NUDCD3: variants seen among roughly 807,000 people sequenced by gnomAD.
The protein encoded by NUDCD3 is nudC domain-containing protein 3.
Under a neutral mutation model 39.7 loss-of-function variants are expected in NUDCD3, and 13 were observed. The observed-to-expected ratio is 0.33, with a 90% confidence interval of 0.21 to 0.52. The LOEUF is 0.52. Ranked by LOEUF, NUDCD3 falls within the 20% of genes least tolerant of loss-of-function variation. NUDCD3 has a pLI of 0.96. For synonymous variants in NUDCD3, 175 were observed against 172.4 expected (o/e 1.02, Z -0.12); for missense variants, 453 against 458.1 (o/e 0.99, Z 0.10).
chr7:44,426,610 A>C (rs1467804402), intron 3 of NUDCD3, among the ~76,000 whole-genome samples: 2 of 151,832 alleles, frequency 1.3e-5, no homozygotes, highest in African/African-American at 4.8e-5. Flanking sequence ...TCCTGGCTAA[A>C]ACAGTGAAAC....
At chr7:44,420,481 A>T (rs1283416004) in intron 3 of NUDCD3, among the ~76,000 whole-genome samples, 2 of 152,180 alleles carry the variant, frequency 1.3e-5, no homozygotes, top group African/African-American at 4.8e-5. Flanking sequence ...CAACATGCAA[A>T]TTCAGGAAAT....
intron 3 of NUDCD3, among the ~76,000 whole-genome samples, chr7:44,412,376 T>C (rs1365839522): frequency 6.6e-6 from 1 of 152,240 alleles, no homozygotes; most frequent in Non-Finnish European, 1.5e-5. Context: ...ATTACAATTT[T>C]TAAAAATCAA....
rs1169656645 is a variant in NUDCD3 at position 44,381,188 on chromosome 7, T to A, written c.*4823A>T. On this transcript the variant is annotated 3_prime_UTR_variant, in exon 6 of 6. Transcript: ENST00000355451. ...CCAGACCTGTGCTGGGCAACAAGGT[T>A]GGCTGAGATGGCCTGAGACAGGGTC... The A allele has an allele frequency of 6.6e-6, 1 of 152,274 alleles. No homozygotes were observed. Among genetic ancestry groups the A allele is most frequent in the Non-Finnish European group, 1.5e-5 (1 of 68,096 alleles). The allele number at this position is 152,274 out of a possible 1,614,324, so 9.4% of individuals were successfully genotyped here. A position where few individuals can be genotyped will look rare whatever the true frequency, so the allele number is the denominator to read the frequency against.
At chr7:44,390,118 A>G (rs1020507234) in intron 5 of NUDCD3, among the ~76,000 whole-genome samples, 4 of 152,126 alleles carry the variant, frequency 2.6e-5, no homozygotes, top group African/African-American at 9.7e-5. Flanking sequence ...TAATACCAGC[A>G]CTTTGGGAGG....
intron 2 of NUDCD3, among the ~76,000 whole-genome samples, chr7:44,459,430 C>T (rs998458088): frequency 1.2e-4 from 19 of 152,264 alleles, no homozygotes; most frequent in African/African-American, 4.6e-4. Context: ...TCATGCAATC[C>T]TTCTGCCTCG....
chr7:44,455,423 C>T (rs905778436), intron 2 of NUDCD3, among the ~76,000 whole-genome samples: 2 of 152,150 alleles, frequency 1.3e-5, no homozygotes, highest in African/African-American at 4.8e-5. Flanking sequence ...CATCACTGCA[C>T]ATCTCCCAGC....
intron 2 of NUDCD3, among the ~76,000 whole-genome samples, chr7:44,442,836 C>T (rs995049304): frequency 4.6e-5 from 7 of 151,926 alleles, no homozygotes. Flanking sequence ...GCTGGGACTA[C>T]AGGCGCCCAC....
chr7:44,427,524 GA>G (rs769249127), intron 3 of NUDCD3, 46 bp downstream of exon 3: 22 of 1,584,490 alleles, frequency 1.4e-5, no homozygotes, highest in Non-Finnish European at 1.9e-5. Flanking sequence ...CAACAGCTTT[GA>G]CTGGCTTGGG....
chr7:44,386,816 T>C (rs1798410413), intron 5 of NUDCD3, among the ~76,000 whole-genome samples: 1 of 152,112 alleles, frequency 6.6e-6, no homozygotes, highest in East Asian at 1.9e-4. Context: ...CAAGGCTCAG[T>C]GTGTGGCCAT....
chr7:44,466,685 T>C (rs1245519091), intron 2 of NUDCD3, among the ~76,000 whole-genome samples: 1 of 152,240 alleles, frequency 6.6e-6, no homozygotes, highest in Admixed American at 6.5e-5. Flanking sequence ...AGCTTTTCAC[T>C]AGGGACACTT....
At chr7:44,416,069 A>C (rs1391244735) in intron 3 of NUDCD3, among the ~76,000 whole-genome samples, 1 of 152,026 alleles carries the variant, frequency 6.6e-6, no homozygotes, top group Non-Finnish European at 1.5e-5. Flanking sequence ...GAGACCAAGA[A>C]TTTTTATTTT....
intron 2 of NUDCD3, among the ~76,000 whole-genome samples, chr7:44,442,470 T>C (rs1324018886): frequency 6.6e-6 from 1 of 152,108 alleles, no homozygotes; most frequent in African/African-American, 2.4e-5. Context: ...CAGGAGAGTA[T>C]GCACCTGGGG....
rs559012856 is a variant in NUDCD3 at position 44,390,350 on chromosome 7, C to T, written c.975+1947G>A. Among the ~76,000 whole-genome samples, 19 of 152,154 alleles carry T rather than the reference C, an allele frequency of 1.2e-4. No individual in the cohort carries two copies. The East Asian group carries it at 2.3e-3, about 19-fold the overall frequency. ...CTGCATTCCAGCCTGGGTGACAGAGCGAGGCTCTGTCTCAAAAAATTTAAA... is the reference window on the plus strand; with the variant it reads ...CTGCATTCCAGCCTGGGTGACAGAGTGAGGCTCTGTCTCAAAAAATTTAAA... On this transcript the variant is annotated intron_variant, in intron 5 of 5. Coordinates refer to ENST00000355451, the MANE Select transcript of NUDCD3 (RefSeq NM_015332.4).
rs888668206 is a variant in NUDCD3 at position 44,489,459 on chromosome 7, C to T, written c.192+950G>A. On this transcript the variant is annotated intron_variant, in intron 1 of 5. Coordinates refer to ENST00000355451, the MANE Select transcript of NUDCD3 (RefSeq NM_015332.4). ...CAACCTGCAGCATGCATTAAGACTT[C>T]AGGAGGAAACATCTGAAGCATTTTA... is the stretch of plus-strand genomic sequence containing the variant. 2.6e-5 allele frequency among the ~76,000 whole-genome samples: 4 copies of T among 152,236 alleles called. No homozygotes were observed. In the East Asian group the frequency reaches 7.7e-4, roughly 29 times the overall value.
chr7:44,421,462 G>T (rs948649559), intron 3 of NUDCD3, among the ~76,000 whole-genome samples: 2 of 112,848 alleles, frequency 1.8e-5, no homozygotes, highest in African/African-American at 3.4e-5. Context: ...AGGGATAGAG[G>T]AATATTTACC....
intron 3 of NUDCD3, among the ~76,000 whole-genome samples, chr7:44,424,355 C>A (rs1488527379): frequency 1.3e-5 from 2 of 152,070 alleles, no homozygotes; most frequent in Non-Finnish European, 2.9e-5. Flanking sequence ...AGTGAACAGG[C>A]AACCCACAGA....
chr7:44,442,853 G>A (rs1332956946), intron 2 of NUDCD3, among the ~76,000 whole-genome samples: 17 of 151,932 alleles, frequency 1.1e-4, no homozygotes, highest in African/African-American at 3.9e-4. Flanking sequence ...CCACCACTGC[G>A]CCTGGCTAAA....
At chr7:44,438,041 C>T (rs1033770350) in intron 2 of NUDCD3, among the ~76,000 whole-genome samples, 2 of 152,010 alleles carry the variant, frequency 1.3e-5, no homozygotes, top group South Asian at 2.1e-4. Flanking sequence ...ATAATCTACG[C>T]CATAAATATG....
chr7:44,426,667 G>A (rs913442920), intron 3 of NUDCD3, among the ~76,000 whole-genome samples: 5 of 151,228 alleles, frequency 3.3e-5, no homozygotes, highest in South Asian at 2.1e-4. Context: ...GTAGTGGCGG[G>A]CGCCTGTAGT....
Sources: allele counts gnomAD v4.1 joint callset (sites outside exome capture counted in the v4.1 genomes callset), GRCh38; gene constraint gnomAD v4.1.1; transcripts MANE v1.5; gene names NCBI Gene and HGNC (gene_info 2026-07-23, HGNC 2026-07-21).